FOXJ3: variants seen among roughly 807,000 people sequenced by gnomAD.
The protein encoded by FOXJ3 is forkhead box J3.
A neutral mutation model predicts 76.1 loss-of-function variants in FOXJ3; 22 were observed. The ratio of observed to expected loss-of-function variants is 0.29; its 90% CI spans 0.21 to 0.41. The LOEUF is 0.41. FOXJ3 is among the 10% of genes least tolerant of loss of function. The pLI is 1.00. For synonymous variants in FOXJ3, 269 were observed against 261.2 expected, an observed-to-expected ratio of 1.03 and a Z score of -0.29; for missense variants, 613 against 762.1, an observed-to-expected ratio of 0.80 and a Z score of 2.30.
Position 42,313,693 on chromosome 1 carries a change from G to A in FOXJ3, c.-17-2583C>T, listed in dbSNP as rs188689620. ...ATGGGGTGTGGCTAAAAAGGCAGCC[G>A]TCCCCTTGCCTGTCACGGAACACAC... On this transcript the variant is annotated intron_variant, in intron 1 of 12. Coordinates refer to ENST00000361346, the MANE Select transcript of FOXJ3 (RefSeq NM_014947.5). Among the ~76,000 whole-genome samples, 21 of 152,230 alleles carry A rather than the reference G, an allele frequency of 1.4e-4. 1 individual carries two copies. The highest frequency in any genetic ancestry group is 3.6e-4 in the African/African-American group (15 of 41,534).
chr1:42,197,680 AAAAG>A (rs201055109), intron 7 of FOXJ3, among the ~76,000 whole-genome samples: 5,417 of 151,890 alleles, frequency 0.036, 119 homozygotes, highest in Middle Eastern at 0.092. Context: ...TTAAAAAAAA[AAAAG>A]AAAGAAAGAA....
chr1:42,272,974 T>TCCCA (rs1282077071), intron 3 of FOXJ3, among the ~76,000 whole-genome samples: 2 of 152,150 alleles, frequency 1.3e-5, no homozygotes, highest in African/African-American at 4.8e-5. Flanking sequence ...ACAGCTCAAG[T>TCCCA]CCCACTTCCC....
chr1:42,238,270 A>T (rs1415316346), intron 4 of FOXJ3, among the ~76,000 whole-genome samples: 1 of 152,130 alleles, frequency 6.6e-6, no homozygotes, highest in Non-Finnish European at 1.5e-5. Flanking sequence ...CCTGACCTCA[A>T]GTGATCCGCC....
At chr1:42,307,193 A>C (rs1654522529) in intron 2 of FOXJ3, among the ~76,000 whole-genome samples, 1 of 152,198 alleles carries the variant, frequency 6.6e-6, no homozygotes, top group Non-Finnish European at 1.5e-5. Context: ...CAACAAGTGA[A>C]TCCAGCTTGC....
intron 11 of FOXJ3, 71 bp from the exon 12 acceptor site, chr1:42,182,095 T>A: frequency 1.2e-6 from 1 of 806,954 alleles, no homozygotes; most frequent in Non-Finnish European, 2.0e-6. Flanking sequence ...ACTAAAATCT[T>A]AACAGAATTG....
At chr1:42,232,177 T>A (rs1327395265) in intron 4 of FOXJ3, among the ~76,000 whole-genome samples, 2 of 151,946 alleles carry the variant, frequency 1.3e-5, no homozygotes, top group East Asian at 3.8e-4. Flanking sequence ...TGTGCCACAT[T>A]TTCTTAATCC....
intron 2 of FOXJ3, among the ~76,000 whole-genome samples, chr1:42,287,235 G>T (rs1436219210): frequency 1.3e-5 from 2 of 151,962 alleles, no homozygotes; most frequent in Non-Finnish European, 2.9e-5. Flanking sequence ...AGCTACTTGG[G>T]AGGCTGAGGC....
chr1:42,234,584 G>C (rs1569982321), intron 4 of FOXJ3, among the ~76,000 whole-genome samples: 1 of 152,096 alleles, frequency 6.6e-6, no homozygotes, highest in African/African-American at 2.4e-5. Flanking sequence ...TTTTGGTGTG[G>C]ATGTCCTTTC....
intron 7 of FOXJ3, among the ~76,000 whole-genome samples, chr1:42,196,852 T>C (rs1339067576): frequency 1.3e-5 from 2 of 152,252 alleles, no homozygotes; most frequent in Non-Finnish European, 2.9e-5. Context: ...GATACTGGAC[T>C]GTGTGCTTTG....
chr1:42,226,120 G>T (rs1400701023), intron 5 of FOXJ3, among the ~76,000 whole-genome samples: 2 of 151,784 alleles, frequency 1.3e-5, no homozygotes, highest in African/African-American at 4.8e-5. Context: ...TCAAATTCTG[G>T]CAACAGATGC....
chr1:42,296,548 T>C (rs1167924757), intron 2 of FOXJ3, among the ~76,000 whole-genome samples: 3 of 152,232 alleles, frequency 2.0e-5, no homozygotes, highest in Non-Finnish European at 4.4e-5. Context: ...CACCATCTAT[T>C]GAATAGAGTG....
chr1:42,247,624 G>T (rs1329378024), intron 4 of FOXJ3, among the ~76,000 whole-genome samples: 1 of 152,060 alleles, frequency 6.6e-6, no homozygotes, highest in Non-Finnish European at 1.5e-5. Flanking sequence ...TAATAAAAAA[G>T]ACATTTAATA....
chr1:42,206,691 A>G (rs1646867784), intron 5 of FOXJ3, among the ~76,000 whole-genome samples: 1 of 152,170 alleles, frequency 6.6e-6, no homozygotes, highest in Non-Finnish European at 1.5e-5. Context: ...GAAAAATGAG[A>G]TATCCTCAAA....
intron 11 of FOXJ3, among the ~76,000 whole-genome samples, chr1:42,185,207 ATTGCACTTAAACCCT>A (rs1646409975): frequency 1.4e-5 from 2 of 146,268 alleles, no homozygotes; most frequent in African/African-American, 2.6e-5. Flanking sequence ...CTGAATTCTT[ATTGCACTTAAACCCT>A]ATGGAGAAGT....
intron 3 of FOXJ3, among the ~76,000 whole-genome samples, chr1:42,266,258 G>A (rs1397599806): frequency 6.6e-6 from 1 of 151,964 alleles, no homozygotes; most frequent in Non-Finnish European, 1.5e-5. Flanking sequence ...ATAAATTCAA[G>A]ACCATCTATT....
chr1:42,274,495 A>G (rs1652106843), intron 3 of FOXJ3, among the ~76,000 whole-genome samples: 1 of 152,168 alleles, frequency 6.6e-6, no homozygotes, highest in Admixed American at 6.5e-5. Context: ...CTCTACATCT[A>G]CCAAGTCTGG....
At chr1:42,324,253 TATATATAC>T (rs1285506725) in intron 1 of FOXJ3, among the ~76,000 whole-genome samples, 1 of 63,532 alleles carries the variant, frequency 1.6e-5, no homozygotes, top group Non-Finnish European at 3.5e-5. Flanking sequence ...ATATATACAC[TATATATAC>T]ACATATATAC....
At chr1:42,189,047 T>C in intron 10 of FOXJ3, 119 bp from the exon 11 acceptor site, 2 of 650,450 alleles carry the variant, frequency 3.1e-6, no homozygotes, top group Admixed American at 6.4e-5. Context: ...TTTATGGTAG[T>C]GATTTATCCA....
rs4019583 is a variant in FOXJ3 at position 42,245,166 on chromosome 1, CA to C, written c.445-17201del. On this transcript the variant is annotated intron_variant, in intron 4 of 12. Coordinates refer to ENST00000361346, the MANE Select transcript of FOXJ3 (RefSeq NM_014947.5). Reference sequence around the variant, plus strand: ...CTGCACTCCAGCCTGAGACTCGTCTCAAAAAAAAAAAAAAAAAAACAAGTCT... The same window carrying C: ...CTGCACTCCAGCCTGAGACTCGTCTCAAAAAAAAAAAAAAAAAACAAGTCT... Among the ~76,000 whole-genome samples, 848 of 122,348 alleles carry C rather than the reference CA, an allele frequency of 6.9e-3. 6 individuals carry two copies. The highest frequency in any genetic ancestry group is 0.02 in the African/African-American group (659 of 32,770). The allele number at this position is 122,348 out of a possible 152,430, so 80.3% of individuals were successfully genotyped here.
Sources: gnomAD v4.1 joint callset for allele counts (sites outside exome capture counted in the v4.1 genomes callset) on GRCh38, gnomAD v4.1.1 for gene constraint, MANE v1.5 for transcripts, NCBI Gene and HGNC (gene_info 2026-07-23, HGNC 2026-07-21) for gene names.